The following TMEM132B variants were observed in gnomAD, a reference collection of about 807,000 sequenced individuals.
The protein encoded by TMEM132B is transmembrane protein 132B.
TMEM132B carries 18 observed loss-of-function variants against 90.8 expected under a neutral mutation model. The ratio of observed to expected loss-of-function variants is 0.20; its 90% CI spans 0.14 to 0.29. The LOEUF (loss-of-function observed/expected upper bound fraction) is 0.29. TMEM132B is among the 10% of genes least tolerant of loss of function. The pLI, the probability that TMEM132B is intolerant of heterozygous loss-of-function variation, is 1.00. For synonymous variants in TMEM132B, 504 were observed against 523.3 expected (o/e 0.96, Z 0.50); for missense variants, 1,096 against 1,326.8 (o/e 0.83, Z 2.70).
intron 1 of TMEM132B, among the ~76,000 whole-genome samples, chr12:125,306,990 A>G (rs1351151820): frequency 2.0e-5 from 3 of 152,032 alleles, no homozygotes; most frequent in African/African-American, 4.8e-5. Flanking sequence ...CTTTGCACCT[A>G]TTTCCTCTTC....
rs1288745871 is a variant in TMEM132B, at chr12:125,213,244, T to C, written c.67+26378T>C. ...AGGTTCATCCACGTTGTAGCCTGTG[T>C]CAGTGCTATGCTCCTTTTTATGGTT... is the stretch of plus-strand genomic sequence containing the variant. On this transcript the variant is annotated intron_variant, in intron 1 of 8. Coordinates refer to ENST00000682704, the MANE Select transcript of TMEM132B (RefSeq NM_001366854.1). This position sits in a 1 kb window ranked among gnomAD's most constrained non-coding sequence, Gnocchi z 4.2. Among the ~76,000 whole-genome samples, 5 of 152,266 alleles carry C rather than the reference T, an allele frequency of 3.3e-5. No homozygotes were observed. The East Asian group carries it at 9.6e-4, about 29-fold the overall frequency.
intron 3 of TMEM132B, among the ~76,000 whole-genome samples, chr12:125,497,645 C>T (rs896956254): frequency 5.3e-5 from 8 of 152,146 alleles, no homozygotes; most frequent in Admixed American, 1.3e-4. Flanking sequence ...TGAAGTCATT[C>T]GGGCCCTCTT....
chr12:125,495,717 A>G (rs1882544097), intron 3 of TMEM132B, among the ~76,000 whole-genome samples: 1 of 152,184 alleles, frequency 6.6e-6, no homozygotes, highest in African/African-American at 2.4e-5. Context: ...GTGGACAGAA[A>G]TGCCTGGGCC....
chr12:125,234,796 T>C (rs1471112790), intron 1 of TMEM132B, among the ~76,000 whole-genome samples: 1 of 152,190 alleles, frequency 6.6e-6, no homozygotes, highest in African/African-American at 2.4e-5. Context: ...CTCTGCTCAC[T>C]GGGAGGCAAG....
At chr12:125,334,960 G>A (rs74615775) in intron 1 of TMEM132B, among the ~76,000 whole-genome samples, 2,962 of 152,324 alleles carry the variant, frequency 0.019, 197 homozygotes, top group Admixed American at 0.14. Context: ...GTGACATAAA[G>A]CCGGCCCTCA....
At chr12:125,310,131 G>A (rs73233357) in intron 1 of TMEM132B, among the ~76,000 whole-genome samples, 12,846 of 152,212 alleles carry the variant, frequency 0.084, 615 homozygotes, top group Non-Finnish European at 0.1. Flanking sequence ...CCCTTTCACT[G>A]TAGTCCCAGG....
intron 5 of TMEM132B, among the ~76,000 whole-genome samples, chr12:125,619,405 C>T (rs1008556900): frequency 3.3e-5 from 5 of 151,624 alleles, no homozygotes; most frequent in African/African-American, 9.7e-5. Context: ...CACTCTGTCA[C>T]CCAGGCTGGC....
At chr12:125,477,263 T>C (rs956676101) in intron 3 of TMEM132B, among the ~76,000 whole-genome samples, 6 of 152,062 alleles carry the variant, frequency 3.9e-5, no homozygotes, top group African/African-American at 1.4e-4. Flanking sequence ...CTTAAAGGTG[T>C]CTGAATGGAT....
At chr12:125,311,632 A>C (rs556300357) in intron 1 of TMEM132B, among the ~76,000 whole-genome samples, 36 of 152,180 alleles carry the variant, frequency 2.4e-4, no homozygotes, top group Non-Finnish European at 4.4e-4. Flanking sequence ...TCTCATGCTT[A>C]TCTCTTTCCA....
rs1179926455 is a variant in TMEM132B at position 125,407,781 on chromosome 12, G to C, written c.960-7750G>C. Among the ~76,000 whole-genome samples, 1 of 152,168 alleles carries C rather than the reference G, an allele frequency of 6.6e-6. No individual in the cohort carries two copies. The highest frequency in any genetic ancestry group is 6.5e-5 in the Admixed American group (1 of 15,276). ...CTGTGTGTCTGGGGTGGTGACATTT[G>C]GGTTCACCTGGAGACCTACCAGTGA... On this transcript the variant is annotated intron_variant, in intron 2 of 8. Coordinates refer to ENST00000682704, the MANE Select transcript of TMEM132B (RefSeq NM_001366854.1). The surrounding 1 kb of genome is among the most constrained non-coding windows in gnomAD (Gnocchi z 6.7).
chr12:125,223,922 G>A (rs912367232), intron 1 of TMEM132B, among the ~76,000 whole-genome samples: 2 of 152,004 alleles, frequency 1.3e-5, no homozygotes, highest in Admixed American at 6.6e-5. Flanking sequence ...AATTACAGGC[G>A]CCTGCCACCA....
intron 1 of TMEM132B, among the ~76,000 whole-genome samples, chr12:125,267,855 G>A (rs565513165): frequency 6.6e-6 from 1 of 152,164 alleles, no homozygotes; most frequent in East Asian, 1.9e-4. Context: ...TTTCAATCTT[G>A]GTTCGGTGTA....
At chr12:125,603,241 A>T (rs1223164463) in intron 5 of TMEM132B, among the ~76,000 whole-genome samples, 1 of 152,158 alleles carries the variant, frequency 6.6e-6, no homozygotes, top group African/African-American at 2.4e-5. Flanking sequence ...ACAGCATGGT[A>T]CTGGTACCAA....
At position 125,542,746 on chromosome 12, in the gene TMEM132B, C is replaced by G. The variant is rs552258556; in HGVS notation, c.1293+23121C>G. Among the ~76,000 whole-genome samples the G allele has an allele frequency of 6.2e-4, 95 of 152,318 alleles. 1 individual carries two copies. The highest frequency in any genetic ancestry group is 2.2e-3 in the African/African-American group (91 of 41,566). ...CCATTCATTCATCTGTTGATGGACA[C>G]TTGGGTTGCTGCCATGTTATAGCTT... On this transcript the variant is annotated intron_variant, in intron 4 of 8. Transcript: ENST00000682704.
chr12:125,590,255 G>A (rs775824499), intron 5 of TMEM132B, among the ~76,000 whole-genome samples: 5 of 152,092 alleles, frequency 3.3e-5, no homozygotes, highest in Non-Finnish European at 7.4e-5. Context: ...CTAACACAAC[G>A]TCCACATTCA....
At chr12:125,570,882 G>A (rs1206264959) in intron 4 of TMEM132B, among the ~76,000 whole-genome samples, 1 of 152,130 alleles carries the variant, frequency 6.6e-6, no homozygotes, top group Non-Finnish European at 1.5e-5. Context: ...GAGTGTAGGT[G>A]GCCAGGCCTT....
chr12:125,610,353 T>C (rs1885796227), intron 5 of TMEM132B, among the ~76,000 whole-genome samples: 1 of 152,186 alleles, frequency 6.6e-6, no homozygotes, highest in Non-Finnish European at 1.5e-5. Context: ...TGACAAACTT[T>C]CACTGTTAAG....
intron 3 of TMEM132B, among the ~76,000 whole-genome samples, chr12:125,455,676 T>C (rs909484516): frequency 6.6e-6 from 1 of 152,172 alleles, no homozygotes; most frequent in Admixed American, 6.5e-5. Context: ...TGGATTTTTT[T>C]TTTTTTTTAA....
intron 5 of TMEM132B, among the ~76,000 whole-genome samples, chr12:125,632,217 C>T (rs1886382822): frequency 6.6e-6 from 1 of 152,030 alleles, no homozygotes; most frequent in Non-Finnish European, 1.5e-5. Context: ...TTATTTTAAA[C>T]TGATAACAAC....
Sources: allele counts gnomAD v4.1 joint callset (sites outside exome capture counted in the v4.1 genomes callset), GRCh38; gene constraint gnomAD v4.1.1; non-coding constraint Gnocchi (gnomAD v3.1); transcripts MANE v1.5; gene names NCBI Gene and HGNC (gene_info 2026-07-23, HGNC 2026-07-21).